The following ARL13B variants were observed in gnomAD, a reference collection of about 807,000 sequenced individuals.
The protein encoded by ARL13B is ADP-ribosylation factor-like protein 13B.
ARL13B carries 36 observed loss-of-function variants against 56.1 expected under a neutral mutation model. That is an observed-to-expected ratio of 0.64 (90% CI 0.49 to 0.85). ARL13B has a LOEUF of 0.85. ARL13B is among the 40% of genes least tolerant of loss of function. The pLI, the probability that ARL13B is intolerant of heterozygous loss-of-function variation, is 0.00. For missense variants in ARL13B, 519 were observed against 507.1 expected, an observed-to-expected ratio of 1.02 and a Z score of -0.23; for synonymous variants, 178 against 171.1, an observed-to-expected ratio of 1.04 and a Z score of -0.32.
intron 3 of ARL13B, chr3:94,014,740 A>T: frequency 6.2e-7 from 1 of 1,613,088 alleles, no homozygotes; most frequent in Non-Finnish European, 8.5e-7. Context: ...TTCTTCAGAC[A>T]TCTCTTTTCC....
chr3:93,992,018 C>T (rs2075885697), intron 1 of ARL13B, among the ~76,000 whole-genome samples: 1 of 151,930 alleles, frequency 6.6e-6, no homozygotes, highest in Non-Finnish European at 1.5e-5. Flanking sequence ...AGTCTCAACA[C>T]TATTATAATT....
chr3:94,022,722 C>G (rs2076473867), intron 3 of ARL13B, among the ~76,000 whole-genome samples: 1 of 151,940 alleles, frequency 6.6e-6, no homozygotes, highest in Non-Finnish European at 1.5e-5. Flanking sequence ...TTCTTATTGA[C>G]ATATTTATAT....
intron 1 of ARL13B, among the ~76,000 whole-genome samples, chr3:93,981,477 A>C (rs1328168383): frequency 6.6e-6 from 1 of 152,200 alleles, no homozygotes; most frequent in African/African-American, 2.4e-5. Flanking sequence ...CAGAAAATAC[A>C]TGTCTAGATT....
Position 94,049,449 on chromosome 3 carries a change from C to A in ARL13B, c.1068C>A (p.Asn356Lys). The change falls in exon 8 of 10, where the codon AAC becomes AAA. Residue 356 changes from asparagine to lysine, a missense_variant. Transcript: ENST00000394222. ...KKTKKLRMKRNHRVEPLNIDD... is the reference protein window; with the variant it reads ...KKTKKLRMKRKHRVEPLNIDD... ...CTAAGAAACTAAGAATGAAAAGGAA[C>A]CACCGGGTAGAACCACTTAATATAG... The A allele has an allele frequency of 6.2e-7, 1 of 1,609,622 alleles. No homozygotes were observed. Among genetic ancestry groups the A allele is most frequent in the Non-Finnish European group, 8.5e-7 (1 of 1,178,258 alleles).
chr3:94,021,789 A>G (rs992084210), intron 3 of ARL13B, among the ~76,000 whole-genome samples: 17 of 152,168 alleles, frequency 1.1e-4, no homozygotes, highest in Non-Finnish European at 2.5e-4. Flanking sequence ...TAGTATTACT[A>G]TATTGATGCT....
At chr3:94,018,056 A>G (rs566552780) in intron 3 of ARL13B, among the ~76,000 whole-genome samples, 20 of 152,274 alleles carry the variant, frequency 1.3e-4, no homozygotes, top group Middle Eastern at 3.4e-3. Context: ...TCATTTTGAT[A>G]TGTAATTTAA....
intron 1 of ARL13B, among the ~76,000 whole-genome samples, chr3:93,983,102 A>G (rs577546574): frequency 2.0e-5 from 3 of 152,340 alleles, no homozygotes; most frequent in African/African-American, 4.8e-5. Flanking sequence ...TTAATATACT[A>G]TATTTGAGAT....
rs903468469 is a variant in ARL13B, at chr3:94,054,393, G to T, written c.*1130G>T. On this transcript the variant is annotated 3_prime_UTR_variant, in exon 10 of 10. Coordinates refer to ENST00000394222, the MANE Select transcript of ARL13B (RefSeq NM_001174150.2). ...AGCACTTCTCTTGCACTTAAGAATG[G>T]CATCCATAAGATTCTGTATTTGGCA... The T allele has an allele frequency of 3.0e-5, 12 of 404,766 alleles. No individual in the cohort carries two copies. Among genetic ancestry groups the T allele is most frequent in the Admixed American group, 8.6e-5 (3 of 34,910 alleles). 25.1% of individuals were successfully genotyped at this position (404,766 alleles called of 1,614,324 possible).
chr3:94,030,891 C>A (rs2076665566), intron 3 of ARL13B, among the ~76,000 whole-genome samples: 2 of 152,112 alleles, frequency 1.3e-5, no homozygotes. Context: ...CAAATAAGAT[C>A]TAAGGCTGGG....
intron 8 of ARL13B, 128 bp downstream of exon 8, chr3:94,049,650 A>C: frequency 1.6e-6 from 1 of 643,258 alleles, no homozygotes; most frequent in Non-Finnish European, 2.5e-6. Flanking sequence ...TGTGAAGAAG[A>C]ATCTTTTACT....
intron 3 of ARL13B, among the ~76,000 whole-genome samples, chr3:94,023,834 T>G (rs900329395): frequency 6.6e-6 from 1 of 152,128 alleles, no homozygotes; most frequent in African/African-American, 2.4e-5. Flanking sequence ...AAAGAAAAAA[T>G]TTAGCAGGAG....
chr3:94,053,354 A>T lies in ARL13B; in HGVS notation c.*91A>T. On this transcript the variant is annotated 3_prime_UTR_variant, in exon 10 of 10. Transcript: ENST00000394222. ...AGAAGAAACATCTTGTAAATTGATG[A>T]CTGGGGCAAGATAACCATAATAATT... 8.7e-7 allele frequency: 1 copy of T among 1,150,470 alleles called. No individual in the cohort carries two copies. The highest frequency in any genetic ancestry group is 1.2e-5 in the South Asian group (1 of 80,360). 71.3% of individuals were successfully genotyped at this position (1,150,470 alleles called of 1,614,324 possible). A position where few individuals can be genotyped will look rare whatever the true frequency, so the allele number is the denominator to read the frequency against.
intron 2 of ARL13B, among the ~76,000 whole-genome samples, chr3:93,999,773 A>T (rs1176355633): frequency 1.3e-5 from 2 of 152,216 alleles, no homozygotes; most frequent in African/African-American, 4.8e-5. Flanking sequence ...CAGTAATTGC[A>T]TTAGTTGGAC....
chr3:94,027,298 A>G (rs2076577675), intron 3 of ARL13B, among the ~76,000 whole-genome samples: 1 of 151,434 alleles, frequency 6.6e-6, no homozygotes, highest in African/African-American at 2.4e-5. Flanking sequence ...TCTAAAAACT[A>G]AAAAAAAATT....
At chr3:94,026,784 T>C (rs2076567325) in intron 3 of ARL13B, among the ~76,000 whole-genome samples, 1 of 152,202 alleles carries the variant, frequency 6.6e-6, no homozygotes, top group South Asian at 2.1e-4. Context: ...TCTTTTATTA[T>C]GTTTAACTTG....
At chr3:93,981,163 C>T (rs1011496038) in intron 1 of ARL13B, among the ~76,000 whole-genome samples, 1 of 152,118 alleles carries the variant, frequency 6.6e-6, no homozygotes, top group Non-Finnish European at 1.5e-5. Context: ...TAATTAGTAC[C>T]TGTTACTTGA....
intron 3 of ARL13B, among the ~76,000 whole-genome samples, chr3:94,005,180 T>C (rs2076114617): frequency 6.6e-6 from 1 of 152,134 alleles, no homozygotes. Flanking sequence ...GGAAAGTGTT[T>C]GGGAATAAAA....
At chr3:93,996,517 CTT>C (rs754759037) in intron 2 of ARL13B, 283 of 233,986 alleles carry the variant, frequency 1.2e-3, no homozygotes, top group South Asian at 2.9e-3. Context: ...GGCTAGTCTT[CTT>C]TTTTTTTTTT....
chr3:94,019,202 A>G (rs2076396855), intron 3 of ARL13B, among the ~76,000 whole-genome samples: 1 of 150,032 alleles, frequency 6.7e-6, no homozygotes, highest in South Asian at 2.1e-4. Context: ...ATTTTTGTTA[A>G]TTTTTTATTT....
Sources: gnomAD v4.1 joint callset for allele counts (sites outside exome capture counted in the v4.1 genomes callset) on GRCh38, gnomAD v4.1.1 for gene constraint, MANE v1.5 for transcripts, NCBI Gene and HGNC (gene_info 2026-07-23, HGNC 2026-07-21) for gene names.